SCNN1A: variants seen among roughly 807,000 people sequenced by gnomAD.
SCNN1A encodes epithelial sodium channel subunit alpha.
A neutral mutation model predicts 68.6 loss-of-function variants in SCNN1A; 65 were observed. The observed-to-expected ratio is 0.95, with a 90% CI of 0.78 to 1.16. The LOEUF is 1.16. SCNN1A is among the 50% of genes most tolerant of loss of function. The pLI is 0.00. For missense variants in SCNN1A, 880 were observed against 865.9 expected, an observed-to-expected ratio of 1.02 and a Z score of -0.20; for synonymous variants, 357 against 353.3, an observed-to-expected ratio of 1.01 and a Z score of -0.12.
At chr12:6,365,264 G>C (rs1948657350) in intron 2 of SCNN1A, among the ~76,000 whole-genome samples, 1 of 152,052 alleles carries the variant, frequency 6.6e-6, no homozygotes, top group Non-Finnish European at 1.5e-5. Flanking sequence ...GCAATCACCA[G>C]CCTCAGCCTC....
chr12:6,347,978 T>C lies in SCNN1A; in HGVS notation c.1905A>G (p.Pro635=). ...AGGCAGGGGGAGGGGCTGTCAAGGC[T>C]GGAGAGGGAGCAGGGCCTGGCTGGG... is the stretch of plus-strand genomic sequence containing the variant. ...SLSQPGPAPS[P]ALTAPPPAYA... The change falls in exon 13 of 13, where the codon CCA becomes CCG. Residue 635 remains proline, a synonymous_variant. Transcript: ENST00000228916. 6.4e-7 allele frequency: 1 copy of C among 1,569,262 alleles called. No homozygotes were observed. Among genetic ancestry groups the C allele is most frequent in the South Asian group, 1.1e-5 (1 of 87,210 alleles).
chr12:6,362,012 AC>A, intron 4 of SCNN1A, 38 bp downstream of exon 4: 1 of 1,607,666 alleles, frequency 6.2e-7, no homozygotes, highest in Non-Finnish European at 8.5e-7. Context: ...AGGGAAGCGG[AC>A]CCCGCGGAGA....
chr12:6,360,694 C>G (rs531576613), intron 4 of SCNN1A, among the ~76,000 whole-genome samples: 1 of 152,186 alleles, frequency 6.6e-6, no homozygotes, highest in Admixed American at 6.5e-5. Context: ...TAGAGTGGAG[C>G]CAGGCAGAGG....
chr12:6,360,781 A>ACC (rs141530104), intron 4 of SCNN1A, among the ~76,000 whole-genome samples: 69 of 149,682 alleles, frequency 4.6e-4, no homozygotes, highest in Admixed American at 1.5e-3. Flanking sequence ...ACAGAAGGGG[A>ACC]CCCCCCCCTC....
chr12:6,348,551 G>A (rs1329480519), intron 12 of SCNN1A, among the ~76,000 whole-genome samples, 176 bp downstream of exon 12: 1 of 90,528 alleles, frequency 1.1e-5, no homozygotes, highest in South Asian at 4.4e-4. Context: ...CTTATGCCCC[G>A]GCCGAGCTCC....
chr12:6,356,810 A>G (rs1948505760), intron 4 of SCNN1A, among the ~76,000 whole-genome samples: 1 of 152,194 alleles, frequency 6.6e-6, no homozygotes, highest in Non-Finnish European at 1.5e-5. Context: ...AGCCAGGCAA[A>G]GACGGAAAGG....
In SCNN1A at chr12:6,363,665, T is replaced by C. The variant is rs1225635126; in HGVS notation, c.462A>G (p.Thr154=). ...KEELEELDRI[T]EQTLFDLYKY... is the part of the protein sequence containing the mutation. ...TGTACAGGTCAAAGAGCGTCTGCTC[T>C]GTGATGCGGTCCAGCTCCTCCAGCT... The change falls in exon 3 of 13, where the codon ACA becomes ACG. Residue 154 remains threonine (T), a synonymous_variant. Coordinates refer to ENST00000228916, the MANE Select transcript of SCNN1A (RefSeq NM_001038.6). 2 of 1,608,348 alleles carry C rather than the reference T, an allele frequency of 1.2e-6. No homozygotes were observed. The highest frequency in any genetic ancestry group is 8.5e-7 in the Non-Finnish European group (1 of 1,176,930).
chr12:6,348,677 G>T, intron 12 of SCNN1A, 50 bp downstream of exon 12: 2 of 1,511,858 alleles, frequency 1.3e-6, no homozygotes, highest in Non-Finnish European at 1.8e-6. Context: ...CAGCCGCCCT[G>T]CTAAGTAAGA....
intron 3 of SCNN1A, 59 bp from the exon 4 acceptor site, chr12:6,362,300 G>A (rs1255693873): frequency 1.4e-6 from 2 of 1,451,876 alleles, no homozygotes; most frequent in Non-Finnish European, 1.9e-6. Context: ...CCCTTGGCAG[G>A]GCCAAGGGCA....
rs767771255 is a variant in SCNN1A, at chr12:6,348,927, GC to G, written c.1553+22del. The G allele has an allele frequency of 1.9e-6, 3 of 1,613,476 alleles. No individual in the cohort carries two copies. In the South Asian group the frequency reaches 3.3e-5, roughly 18 times the overall value. On this transcript the variant is annotated intron_variant, in intron 11 of 12. Transcript: ENST00000228916. Reference sequence around the variant, plus strand: ...CCCTCCCAAAGATTCCCTTCTTGTGGCTGGGACCAGGGCAGGACTGACCTCT... The same window carrying G: ...CCCTCCCAAAGATTCCCTTCTTGTGGTGGGACCAGGGCAGGACTGACCTCT...
In SCNN1A at chr12:6,351,250, C is replaced by A. The variant is rs545056721; in HGVS notation, c.1361-1845G>T. On this transcript the variant is annotated intron_variant, in intron 8 of 12. Transcript: ENST00000228916. This position sits in a 1 kb window ranked among gnomAD's most constrained non-coding sequence, Gnocchi z 4.2. ...ATGAGGCACTGCTATTGCTACCATACGGATGAACCTTGAAAATATTATGCT... is the reference window on the plus strand; with the variant it reads ...ATGAGGCACTGCTATTGCTACCATAAGGATGAACCTTGAAAATATTATGCT... 6.6e-6 allele frequency among the ~76,000 whole-genome samples: 1 copy of A among 152,310 alleles called. No homozygotes were observed. Among genetic ancestry groups the A allele is most frequent in the South Asian group, 2.1e-4 (1 of 4,828 alleles).
intron 4 of SCNN1A, among the ~76,000 whole-genome samples, chr12:6,358,424 T>C (rs1372991894): frequency 6.6e-6 from 1 of 152,150 alleles, no homozygotes; most frequent in Admixed American, 6.6e-5. Flanking sequence ...GTTCCACTCA[T>C]AGGTAAACAC....
chr12:6,357,093 G>C (rs1258434927), intron 4 of SCNN1A, among the ~76,000 whole-genome samples: 1 of 152,200 alleles, frequency 6.6e-6, no homozygotes, highest in Non-Finnish European at 1.5e-5. Flanking sequence ...AGCACTTCTA[G>C]AGCCCAGGCT....
At chr12:6,355,234 G>A in intron 6 of SCNN1A, 38 bp downstream of exon 6, 17 of 1,600,048 alleles carry the variant, frequency 1.1e-5, no homozygotes, top group Non-Finnish European at 1.4e-5. Flanking sequence ...TCTGCAATCT[G>A]AGGCGCTCCT....
intron 2 of SCNN1A, among the ~76,000 whole-genome samples, chr12:6,367,062 A>G (rs551007034): frequency 1.3e-5 from 2 of 152,310 alleles, no homozygotes; most frequent in African/African-American, 4.8e-5. Flanking sequence ...ACACGACGAA[A>G]CCTTGTATCT....
chr12:6,369,555 G>A (rs927880670), intron 2 of SCNN1A, among the ~76,000 whole-genome samples: 17 of 152,150 alleles, frequency 1.1e-4, no homozygotes, highest in African/African-American at 2.7e-4. Flanking sequence ...CGGAATGGCC[G>A]GGCGCGGTGG....
chr12:6,375,711 G>A, upstream of SCNN1A: 1 of 1,431,508 alleles, frequency 7.0e-7, no homozygotes, highest in Non-Finnish European at 9.1e-7. Flanking sequence ...GCGGACTCTG[G>A]GCAGGGGCTT....
chr12:6,356,941 TCTC>T, intron 4 of SCNN1A, among the ~76,000 whole-genome samples: 1 of 152,212 alleles, frequency 6.6e-6, no homozygotes, highest in East Asian at 1.9e-4. Context: ...CTAAGCTTAT[TCTC>T]CTCCTCTGTA....
chr12:6,352,105 TATG>T (rs1339112194), intron 8 of SCNN1A, among the ~76,000 whole-genome samples: 1 of 152,156 alleles, frequency 6.6e-6, no homozygotes, highest in Non-Finnish European at 1.5e-5. Flanking sequence ...AAACTGATTA[TATG>T]ATGATTGCAC....
Sources: allele counts gnomAD v4.1 joint callset (sites outside exome capture counted in the v4.1 genomes callset), GRCh38; gene constraint gnomAD v4.1.1; non-coding constraint Gnocchi (gnomAD v3.1); transcripts MANE v1.5; gene names NCBI Gene and HGNC (gene_info 2026-07-23, HGNC 2026-07-21).